The following UPRT variants were observed in gnomAD, a reference collection of about 807,000 sequenced individuals.
UPRT encodes RP11-311P8.3.
A neutral mutation model predicts 22.6 loss-of-function variants in UPRT; 5 were observed. That is an observed-to-expected ratio of 0.22 (90% CI 0.12 to 0.47). The LOEUF is 0.47. UPRT is among the 20% of genes least tolerant of loss of function. The probability of loss-of-function intolerance (pLI) is 0.99; values close to 1 mark genes in which losing one functional copy is unlikely to be tolerated. For synonymous variants in UPRT, 77 were observed against 87.7 expected (o/e 0.88, Z 0.68); for missense variants, 181 against 239.9 (o/e 0.75, Z 1.62).
intron 1 of UPRT, among the ~76,000 whole-genome samples, chrX:75,288,133 T>C (rs1277122274): frequency 9.0e-6 from 1 of 111,309 alleles, no homozygotes; most frequent in Non-Finnish European, 1.9e-5. Context: ...TAGGAAGCAA[T>C]TGAAACCCTG....
intron 4 of UPRT, among the ~76,000 whole-genome samples, chrX:75,176,031 C>G (rs757351662): frequency 9.0e-6 from 1 of 111,396 alleles, no homozygotes; most frequent in African/African-American, 3.3e-5. Flanking sequence ...AATTGACCCT[C>G]GAGTGATTCG....
At chrX:75,206,896 C>T (rs1413623548) in intron 4 of UPRT, among the ~76,000 whole-genome samples, 3 of 112,125 alleles carry the variant, frequency 2.7e-5, no homozygotes, top group Admixed American at 9.4e-5. Context: ...GATCTCCTGA[C>T]CTCGTGATCT....
chrX:75,206,538 T>C (rs1021062610), intron 4 of UPRT, among the ~76,000 whole-genome samples: 2 of 111,395 alleles, frequency 1.8e-5, no homozygotes, highest in Non-Finnish European at 3.8e-5. Context: ...TACAGAAGGT[T>C]TCTGGGACTT....
At position 75,304,052 on chromosome X, in the gene UPRT, T is replaced by C. The variant is rs1202177900; in HGVS notation, c.*541T>C. ...CCTCATTCAGTTGGCAGACCTAGGA[T>C]GTATGGTTAACTCTCAGGCCATTAT... On this transcript the variant is annotated 3_prime_UTR_variant, in exon 7 of 7. Coordinates refer to ENST00000373383, the MANE Select transcript of UPRT (RefSeq NM_145052.4). 8.9e-6 allele frequency: 1 copy of C among 112,686 alleles called. No individual in the cohort carries two copies. The highest frequency in any genetic ancestry group is 2.8e-4 in the East Asian group (1 of 3,615). The allele number at this position is 112,686 out of a possible 1,213,427, so 9.3% of individuals were successfully genotyped here. A position where few individuals can be genotyped will look rare whatever the true frequency, so the allele number is the denominator to read the frequency against.
chrX:75,236,331 C>A, intron 4 of UPRT, among the ~76,000 whole-genome samples: 1 of 111,677 alleles, frequency 9.0e-6, no homozygotes, highest in South Asian at 3.8e-4. Context: ...ATTCCATGCT[C>A]ATGGGTAGGA....
chrX:75,178,370 G>A (rs1024534834), intron 4 of UPRT, among the ~76,000 whole-genome samples: 7 of 111,858 alleles, frequency 6.3e-5, no homozygotes, highest in East Asian at 2.8e-4. Context: ...AAGTCTCACC[G>A]CTCAGCGATA....
intron 4 of UPRT, among the ~76,000 whole-genome samples, chrX:75,176,977 A>G (rs2082248981): frequency 9.0e-6 from 1 of 111,447 alleles, no homozygotes; most frequent in Admixed American, 9.5e-5. Flanking sequence ...TTTGTGGGTC[A>G]AATTGGTCCT....
At chrX:75,259,182 C>A (rs978980359) in intron 4 of UPRT, among the ~76,000 whole-genome samples, 5 of 110,844 alleles carry the variant, frequency 4.5e-5, no homozygotes, top group Non-Finnish European at 9.4e-5. Flanking sequence ...GTGCAAAAAG[C>A]CTGACAATTC....
chrX:75,257,964 C>G (rs1313127894), intron 4 of UPRT, among the ~76,000 whole-genome samples: 1 of 110,603 alleles, frequency 9.0e-6, no homozygotes, highest in Non-Finnish European at 1.9e-5. Context: ...GAGGCGTCAC[C>G]TCACCCAGGA....
chrX:75,179,580 C>T (rs751875428), intron 4 of UPRT, among the ~76,000 whole-genome samples: 14 of 112,999 alleles, frequency 1.2e-4, no homozygotes, highest in East Asian at 1.1e-3. Context: ...TGGTGCTCGT[C>T]GGGGAGGCTC....
chrX:75,257,342 G>A (rs948057483), intron 4 of UPRT, among the ~76,000 whole-genome samples: 5 of 111,342 alleles, frequency 4.5e-5, no homozygotes, highest in Non-Finnish European at 7.5e-5. Context: ...AAACTTTCAC[G>A]AAAACTGGCA....
upstream of UPRT, among the ~76,000 whole-genome samples, chrX:75,273,820 T>C (rs2082619605): frequency 8.9e-6 from 1 of 111,877 alleles, no homozygotes; most frequent in African/African-American, 3.2e-5. Flanking sequence ...CTTACGTGTG[T>C]AACTGTGTAT....
intron 3 of UPRT, 62 bp from the exon 4 acceptor site, chrX:75,297,429 T>C (rs1326729282): frequency 1.1e-5 from 13 of 1,133,929 alleles, no homozygotes; most frequent in African/African-American, 1.1e-4. Context: ...GTAGACACTT[T>C]ATAAAATATG....
At chrX:75,236,554 C>G (rs1457219868) in intron 4 of UPRT, among the ~76,000 whole-genome samples, 1 of 111,751 alleles carries the variant, frequency 8.9e-6, no homozygotes, top group Non-Finnish European at 1.9e-5. Flanking sequence ...AACTATACTA[C>G]AAGGCTACAG....
chrX:75,166,380 G>C (rs181114492), intron 3 of UPRT, among the ~76,000 whole-genome samples: 3 of 111,636 alleles, frequency 2.7e-5, no homozygotes, highest in Admixed American at 1.9e-4. Context: ...CACTCAGTAG[G>C]GATAGTGTTG....
exon 1 of UPRT, chrX:75,156,418 C>T: frequency 1.6e-6 from 1 of 643,755 alleles, no homozygotes; most frequent in South Asian, 2.5e-5. Context: ...GATGCATTCG[C>T]ACAGCCTCTT....
chrX:75,246,502 C>T (rs1268573619), intron 4 of UPRT, among the ~76,000 whole-genome samples: 1 of 110,720 alleles, frequency 9.0e-6, no homozygotes, highest in Non-Finnish European at 1.9e-5. Context: ...TCCAGTCTAT[C>T]ATTGATGGAC....
chrX:75,223,020 A>G (rs2082414607), intron 4 of UPRT, among the ~76,000 whole-genome samples: 1 of 110,112 alleles, frequency 9.1e-6, no homozygotes, highest in African/African-American at 3.3e-5. Context: ...GCTGGTGATT[A>G]TTTAGGGTTC....
chrX:75,239,943 C>A (rs1007511360), intron 4 of UPRT, among the ~76,000 whole-genome samples: 2 of 111,010 alleles, frequency 1.8e-5, no homozygotes, highest in Non-Finnish European at 3.8e-5. Flanking sequence ...AAGGGACATA[C>A]CTTAAGGTAA....
Sources: allele counts gnomAD v4.1 joint callset (sites outside exome capture counted in the v4.1 genomes callset), GRCh38; gene constraint gnomAD v4.1.1; transcripts MANE v1.5; gene names NCBI Gene and HGNC (gene_info 2026-07-23, HGNC 2026-07-21).